The following PCDH15 variants were observed in gnomAD, a reference collection of about 807,000 sequenced individuals.
PCDH15 encodes protocadherin-15.
PCDH15 carries 129 observed loss-of-function variants against 178.5 expected under a neutral mutation model. That is an observed-to-expected ratio of 0.72 (90% CI 0.63 to 0.84). PCDH15 has a LOEUF of 0.84. PCDH15 is among the 40% of genes least tolerant of loss of function. The pLI is 0.00. For synonymous variants in PCDH15, 800 were observed against 732.0 expected (o/e 1.09, Z -1.50); for missense variants, 2,230 against 2,099.9 (o/e 1.06, Z -1.21).
chr10:55,344,521 A>C (rs1844690282), intron 2 of PCDH15, among the ~76,000 whole-genome samples: 1 of 152,132 alleles, frequency 6.6e-6, no homozygotes, highest in Non-Finnish European at 1.5e-5. Flanking sequence ...AACAGATTTT[A>C]CATGATGTGG....
At chr10:53,849,221 C>CTT (rs989525589) in intron 28 of PCDH15, among the ~76,000 whole-genome samples, 1 of 151,404 alleles carries the variant, frequency 6.6e-6, no homozygotes, top group African/African-American at 2.4e-5. Context: ...AGTTTTTAAT[C>CTT]TTTTTTTTTC....
chr10:54,054,732 T>C (rs1456623390), intron 18 of PCDH15, among the ~76,000 whole-genome samples: 2 of 152,170 alleles, frequency 1.3e-5, no homozygotes, highest in Non-Finnish European at 2.9e-5. Context: ...ATTTCAAAAA[T>C]AGTCACAGAC....
In PCDH15 at chr10:53,866,733, A is replaced by G; in HGVS notation, c.3626T>C (p.Leu1209Pro). Residue 1209 changes from leucine to proline, a missense_variant, in exon 27 of 38, where the codon CTC becomes CCC. Transcript: ENST00000644397. ...TYTGLIKTAM[L>P]FHNMRRSYFK... ...GTAGGATCTCCTCATATTATGGAAG[A>G]GCATAGCAGTTTTGATAAGCCCTGT... is the stretch of plus-strand genomic sequence containing the variant. 5 of 1,613,670 alleles carry G rather than the reference A, an allele frequency of 3.1e-6. No homozygotes were observed. The highest frequency in any genetic ancestry group is 4.2e-6 in the Non-Finnish European group (5 of 1,179,676).
chr10:55,511,068 T>TA (rs1279185625), intron 2 of PCDH15, among the ~76,000 whole-genome samples: 2 of 151,036 alleles, frequency 1.3e-5, no homozygotes, highest in Admixed American at 6.6e-5. Context: ...TTTTTAGAGA[T>TA]ACAGGTCTTT....
At chr10:55,023,379 A>T (rs1840387997) in intron 2 of PCDH15, among the ~76,000 whole-genome samples, 1 of 152,216 alleles carries the variant, frequency 6.6e-6, no homozygotes, top group Non-Finnish European at 1.5e-5. Flanking sequence ...GCAATTTAGA[A>T]CGTTGTCGGT....
intron 14 of PCDH15, among the ~76,000 whole-genome samples, chr10:54,136,584 T>C (rs1003067288): frequency 1.3e-5 from 2 of 152,218 alleles, no homozygotes; most frequent in African/African-American, 2.4e-5. Context: ...ACACTTATTA[T>C]ACTTTTTGTA....
At chr10:54,019,370 T>C (rs2092840662) in intron 20 of PCDH15, among the ~76,000 whole-genome samples, 1 of 152,088 alleles carries the variant, frequency 6.6e-6, no homozygotes, top group African/African-American at 2.4e-5. Flanking sequence ...TTTCTCAATA[T>C]GGGATTCAGA....
At chr10:55,479,394 A>G (rs928267169) in intron 2 of PCDH15, among the ~76,000 whole-genome samples, 5 of 151,744 alleles carry the variant, frequency 3.3e-5, no homozygotes, top group Admixed American at 6.6e-5. Context: ...CAAAAACCAT[A>G]TGATTATCTC....
At chr10:54,317,223 G>C in intron 8 of PCDH15, 48 bp downstream of exon 8, 1 of 1,570,282 alleles carries the variant, frequency 6.4e-7, no homozygotes, top group Non-Finnish European at 8.8e-7. Flanking sequence ...TGATCCCATT[G>C]GGTTTTAAAA....
chr10:53,924,769 G>A (rs1415513049), intron 25 of PCDH15, among the ~76,000 whole-genome samples: 1 of 152,106 alleles, frequency 6.6e-6, no homozygotes, highest in Non-Finnish European at 1.5e-5. Flanking sequence ...ACCTAATCTG[G>A]TGGGGACTTG....
Position 54,526,617 on chromosome 10 carries a change from TC to T in PCDH15, c.157+1194del, listed in dbSNP as rs530329724. Among the ~76,000 whole-genome samples, 171 of 152,290 alleles carry T rather than the reference TC, an allele frequency of 1.1e-3. 2 individuals are homozygous for T. Among genetic ancestry groups the T allele is most frequent in the African/African-American group, 4.1e-3 (169 of 41,558 alleles). The stretch of plus-strand genomic sequence containing the variant: ...ATAAATGCATCATAATAACTGTAAC[TC>T]CATATGATTTTATTATGAATAAGGA... On this transcript the variant is annotated intron_variant, in intron 3 of 37. Coordinates refer to ENST00000644397, the MANE Select transcript of PCDH15 (RefSeq NM_001384140.1).
At chr10:54,687,763 G>T (rs2095040152) in intron 1 of PCDH15, among the ~76,000 whole-genome samples, 1 of 152,040 alleles carries the variant, frequency 6.6e-6, no homozygotes, top group African/African-American at 2.4e-5. Flanking sequence ...CACTTGTCAT[G>T]GTGGAAGTCA....
chr10:54,555,548 G>A (rs1184587014), intron 2 of PCDH15, among the ~76,000 whole-genome samples: 1 of 148,882 alleles, frequency 6.7e-6, no homozygotes, highest in Non-Finnish European at 1.5e-5. Context: ...TGACCAACAC[G>A]GTGAAACCCC....
chr10:54,204,842 C>T (rs2050624188), intron 10 of PCDH15, among the ~76,000 whole-genome samples: 1 of 152,110 alleles, frequency 6.6e-6, no homozygotes, highest in South Asian at 2.1e-4. Flanking sequence ...TGGCCTTTTG[C>T]ACTTTCCCAC....
intron 2 of PCDH15, among the ~76,000 whole-genome samples, chr10:55,480,845 CCT>C (rs1840163381): frequency 6.6e-6 from 1 of 151,740 alleles, no homozygotes; most frequent in African/African-American, 2.4e-5. Flanking sequence ...AGGATGCTGG[CCT>C]AATGTAATGA....
Position 55,209,846 on chromosome 10 carries a change from A to G in PCDH15, c.-155-43195T>C, listed in dbSNP as rs148845591. Among the ~76,000 whole-genome samples, 130 of 152,226 alleles carry G rather than the reference A, an allele frequency of 8.5e-4. 2 individuals are homozygous for G. Among genetic ancestry groups the G allele is most frequent in the Middle Eastern group, 3.4e-3 (1 of 294 alleles). The stretch of plus-strand genomic sequence containing the variant: ...TGCTCAAAAAAGCGATCCATGCTAA[A>G]GATTTGTATGTGTGATTCATGCATA... On this transcript the variant is annotated intron_variant, in intron 1 of 5. Transcript: ENST00000458638.
At chr10:54,969,191 T>A (rs913422172) in intron 2 of PCDH15, among the ~76,000 whole-genome samples, 1 of 152,156 alleles carries the variant, frequency 6.6e-6, no homozygotes, top group Non-Finnish European at 1.5e-5. Flanking sequence ...ACATGATAAA[T>A]GTCTTTCTGT....
chr10:54,792,054 C>T (rs932710950), intron 1 of PCDH15, among the ~76,000 whole-genome samples: 1 of 151,864 alleles, frequency 6.6e-6, no homozygotes, highest in African/African-American at 2.4e-5. Flanking sequence ...TAAGGGCCAA[C>T]AACAACATGG....
intron 2 of PCDH15, among the ~76,000 whole-genome samples, chr10:54,531,422 G>T (rs1343974711): frequency 1.3e-5 from 2 of 152,144 alleles, no homozygotes; most frequent in African/African-American, 4.8e-5. Flanking sequence ...AAAATCCAAA[G>T]AGGAGAATTA....
Sources: gnomAD v4.1 joint callset for allele counts (sites outside exome capture counted in the v4.1 genomes callset) on GRCh38, gnomAD v4.1.1 for gene constraint, MANE v1.5 for transcripts, NCBI Gene and HGNC (gene_info 2026-07-23, HGNC 2026-07-21) for gene names.